Variants in ZNF789 observed in about 807,000 individuals in gnomAD.
The protein encoded by ZNF789 is zinc finger protein 789.
A neutral mutation model predicts 15.6 loss-of-function variants in ZNF789; 11 were observed. The observed-to-expected ratio is 0.70, with a 90% confidence interval of 0.44 to 1.16. ZNF789 has a LOEUF of 1.16. ZNF789 is among the 50% of genes most tolerant of loss of function. The pLI, the probability that ZNF789 is intolerant of heterozygous loss-of-function variation, is 0.00. For synonymous variants in ZNF789, 159 were observed against 176.0 expected (o/e 0.90, Z 0.76); for missense variants, 461 against 512.6 (o/e 0.90, Z 0.97).
chr7:99,476,563 A>C, intron 2 of ZNF789, 83 bp downstream of exon 2: 1 of 1,557,864 alleles, frequency 6.4e-7, no homozygotes, highest in South Asian at 1.2e-5. Context: ...CTCTTGATCA[A>C]TGTGGGGAGT....
At chr7:99,480,130 A>G in intron 3 of ZNF789, 1 of 299,000 alleles carries the variant, frequency 3.3e-6, no homozygotes, top group Non-Finnish European at 6.1e-6. Context: ...GTTTGAGACC[A>G]GCCTGGCCAA....
intron 1 of ZNF789, among the ~76,000 whole-genome samples, chr7:99,475,783 G>T (rs1178494561): frequency 3.3e-5 from 5 of 151,370 alleles, no homozygotes; most frequent in African/African-American, 9.7e-5. Context: ...GCAGGGTGTG[G>T]ATCAGAGTGC....
intron 3 of ZNF789, chr7:99,480,872 CTT>C (rs1799587403): frequency 6.6e-6 from 1 of 152,212 alleles, no homozygotes; most frequent in South Asian, 2.1e-4. Flanking sequence ...CACTGACACT[CTT>C]AGCACAGAGT....
chr7:99,482,022 T>C (rs1799659784), intron 3 of ZNF789: 1 of 639,554 alleles, frequency 1.6e-6, no homozygotes, highest in Admixed American at 2.7e-5. Flanking sequence ...GATTTTTCTT[T>C]TTTGGATTTT....
intron 3 of ZNF789, 151 bp downstream of exon 3, chr7:99,479,938 T>A: frequency 9.5e-7 from 1 of 1,054,788 alleles, no homozygotes; most frequent in Non-Finnish European, 1.3e-6. Flanking sequence ...TGACCAGACA[T>A]CACCACAGTG....
At chr7:99,475,626 TA>T (rs1396889718) in intron 1 of ZNF789, among the ~76,000 whole-genome samples, 2 of 151,950 alleles carry the variant, frequency 1.3e-5, no homozygotes, top group Non-Finnish European at 2.9e-5. Context: ...TCCTGTGTGA[TA>T]GGGGAGGGGA....
Position 99,484,138 on chromosome 7 carries a change from G to A in ZNF789, c.260G>A (p.Cys87Tyr), listed in dbSNP as rs144360999. ...TGNRKASGSA[C>Y]PGSEARHKMK... ...AATAGGAAGGCTTCCGGTAGTGCTT[G>A]CCCAGGTGGGTGAGGAAGAGACCCA... The change falls in exon 4 of 5, where the codon TGC becomes TAC. Residue 87 changes from cysteine (C) to tyrosine (Y), a missense_variant. Coordinates refer to ENST00000331410, the MANE Select transcript of ZNF789 (RefSeq NM_213603.3). 5.0e-6 allele frequency: 8 copies of A among 1,613,328 alleles called. No homozygotes were observed. The highest frequency in any genetic ancestry group is 6.8e-6 in the Non-Finnish European group (8 of 1,179,556).
In ZNF789 at chr7:99,484,167, G is replaced by C. The variant is rs201595486; in HGVS notation, c.265+24G>C. The C allele has an allele frequency of 9.1e-5, 145 of 1,587,580 alleles. 4 individuals carry two copies. In the Admixed American group the frequency reaches 2.0e-3, roughly 22 times the overall value. ...AGGTGGGTGAGGAAGAGACCCAGGC[G>C]AGTGGAATCAGGAAGAGGAAGGGAA... On this transcript the variant is annotated intron_variant, in intron 4 of 4. Transcript: ENST00000331410.
rs1239127179 is a variant in ZNF789, at chr7:99,487,128, C to T, written c.918C>T (p.Ile306=). 6.2e-7 allele frequency: 1 copy of T among 1,614,116 alleles called. No homozygotes were observed. The highest frequency in any genetic ancestry group is 8.5e-7 in the Non-Finnish European group (1 of 1,180,026). ...QNSTLIRHQV[I]HSGEKRHKCL... is the part of the protein sequence containing the mutation. ...CAACCCTTATTCGACATCAGGTGATCCATAGTGGAGAAAAACGCCATAAAT... is the reference window on the plus strand; with the variant it reads ...CAACCCTTATTCGACATCAGGTGATTCATAGTGGAGAAAAACGCCATAAAT... Residue 306 remains isoleucine, a synonymous_variant, in exon 5 of 5, where the codon ATC becomes ATT. Coordinates refer to ENST00000331410, the MANE Select transcript of ZNF789 (RefSeq NM_213603.3).
chr7:99,486,420 C>T (rs1037020488), intron 4 of ZNF789, 56 bp from the exon 5 acceptor site: 1 of 1,503,910 alleles, frequency 6.6e-7, no homozygotes, highest in Admixed American at 2.3e-5. Flanking sequence ...CCTTCTCTTC[C>T]TTTTTTTCTT....
intron 4 of ZNF789, among the ~76,000 whole-genome samples, chr7:99,486,055 C>A (rs532322980): frequency 6.6e-6 from 1 of 152,110 alleles, no homozygotes; most frequent in African/African-American, 2.4e-5. Flanking sequence ...CGGTGGCTCA[C>A]GCCTGTAATC....
At chr7:99,484,643 C>T (rs183718784) in intron 4 of ZNF789, among the ~76,000 whole-genome samples, 2 of 150,730 alleles carry the variant, frequency 1.3e-5, no homozygotes, top group Non-Finnish European at 3.0e-5. Flanking sequence ...ATATATATCA[C>T]ACAGGCCTGG....
chr7:99,482,983 C>T (rs1382714543), intron 3 of ZNF789, among the ~76,000 whole-genome samples: 1 of 152,140 alleles, frequency 6.6e-6, no homozygotes, highest in East Asian at 1.9e-4. Flanking sequence ...GTAATCCCAG[C>T]ACTTTGGGAG....
intron 4 of ZNF789, among the ~76,000 whole-genome samples, chr7:99,484,542 C>T (rs1018508169): frequency 2.6e-5 from 4 of 152,150 alleles, no homozygotes; most frequent in Admixed American, 2.0e-4. Context: ...ATCACCGGAA[C>T]CTGGGAGGCA....
At chr7:99,481,813 A>G (rs1424195318) in intron 3 of ZNF789, 3 of 252,164 alleles carry the variant, frequency 1.2e-5, no homozygotes, top group African/African-American at 4.6e-5. Flanking sequence ...TAGTTCTAAA[A>G]ATAATTTTCA....
At chr7:99,484,218 G>C in intron 4 of ZNF789, 75 bp downstream of exon 4, 1 of 1,189,836 alleles carries the variant, frequency 8.4e-7, no homozygotes, top group East Asian at 2.3e-5. Context: ...CCCCTTCTGT[G>C]TGCCAGACGC....
At chr7:99,481,841 A>C (rs929729141) in intron 3 of ZNF789, 21 of 274,474 alleles carry the variant, frequency 7.7e-5, no homozygotes, top group Non-Finnish European at 1.5e-4. Context: ...AATTTTGGAA[A>C]ATACATCAGT....
intron 4 of ZNF789, chr7:99,485,491 T>C: frequency 1.9e-6 from 1 of 519,510 alleles, no homozygotes; most frequent in Admixed American, 3.4e-5. Context: ...TATGCTATCC[T>C]ATACTTTGTC....
rs747777469 is a variant in ZNF789, at chr7:99,486,668, G to A, written c.458G>A (p.Gly153Asp). The change falls in exon 5 of 5, where the codon GGC becomes GAC. Residue 153 changes from glycine (G) to aspartate (D), a missense_variant. Gly to Asp is a moderately conservative substitution (Grantham distance 94). Coordinates refer to ENST00000331410, the MANE Select transcript of ZNF789 (RefSeq NM_213603.3). ...ACTAGTGGTGATGAATACAGCAGGG[G>A]CTTCCTTCAAAACCTTAACCTTATT... ...FPTSGDEYSR[G>D]FLQNLNLIQD... is the part of the protein sequence containing the mutation. The A allele has an allele frequency of 1.9e-6, 3 of 1,614,188 alleles. No individual in the cohort carries two copies. The South Asian group carries it at 3.3e-5, about 18-fold the overall frequency.
Sources: allele counts gnomAD v4.1 joint callset (sites outside exome capture counted in the v4.1 genomes callset), GRCh38; gene constraint gnomAD v4.1.1; transcripts MANE v1.5; gene names NCBI Gene and HGNC (gene_info 2026-07-23, HGNC 2026-07-21).